The following SEMA3D variants were observed in gnomAD, a reference collection of about 807,000 sequenced individuals.
SEMA3D encodes semaphorin-3D.
SEMA3D carries 84 observed loss-of-function variants against 100.1 expected under a neutral mutation model. That is an observed-to-expected ratio of 0.84 (90% confidence interval 0.70 to 1.01). The LOEUF is 1.01. SEMA3D is among the 50% of genes least tolerant of loss of function. The probability of loss-of-function intolerance (pLI) is 0.00; values close to 1 mark genes in which losing one functional copy is unlikely to be tolerated. For missense variants in SEMA3D, 875 were observed against 934.1 expected (o/e 0.94, Z 0.82); for synonymous variants, 312 against 320.7 (o/e 0.97, Z 0.29).
intron 6 of SEMA3D, among the ~76,000 whole-genome samples, chr7:85,072,345 A>G (rs113531483): frequency 1.3e-5 from 2 of 152,194 alleles, no homozygotes; most frequent in African/African-American, 4.8e-5. Flanking sequence ...TAAGAAAATT[A>G]TTAAAATATT....
intron 1 of SEMA3D, among the ~76,000 whole-genome samples, chr7:85,171,632 G>T (rs1791085364): frequency 6.6e-6 from 1 of 151,518 alleles, no homozygotes; most frequent in African/African-American, 2.4e-5. Context: ...AACACCTAAA[G>T]GTAATAATTT....
chr7:85,175,141 G>T (rs1331193612), intron 1 of SEMA3D, among the ~76,000 whole-genome samples: 1 of 152,162 alleles, frequency 6.6e-6, no homozygotes, highest in Non-Finnish European at 1.5e-5. Context: ...AGGCCTGAAT[G>T]CGATTGTGAT....
intron 2 of SEMA3D, among the ~76,000 whole-genome samples, chr7:85,124,588 G>T (rs1458921880): frequency 1.3e-5 from 2 of 152,030 alleles, no homozygotes; most frequent in African/African-American, 4.8e-5. Flanking sequence ...ACTCAAAGGA[G>T]TATCATATAG....
intron 2 of SEMA3D, among the ~76,000 whole-genome samples, chr7:85,139,187 T>A (rs1789970524): frequency 1.3e-5 from 2 of 152,000 alleles, no homozygotes; most frequent in South Asian, 4.1e-4. Context: ...TGGTAAAATC[T>A]ACTTGTGGAG....
At chr7:85,089,655 T>C (rs1290575765) in intron 4 of SEMA3D, among the ~76,000 whole-genome samples, 1 of 151,952 alleles carries the variant, frequency 6.6e-6, no homozygotes, top group African/African-American at 2.4e-5. Flanking sequence ...ACAAGTGAGG[T>C]GGGCAGATTT....
chr7:85,219,603 G>A, the SEMA3D span, among the ~76,000 whole-genome samples: 1 of 152,000 alleles, frequency 6.6e-6, no homozygotes, highest in East Asian at 1.9e-4. Flanking sequence ...TCTAACAGAA[G>A]GATACAGAGT....
intron 17 of SEMA3D, among the ~76,000 whole-genome samples, chr7:85,012,264 G>A (rs529077275): frequency 6.6e-6 from 1 of 151,786 alleles, no homozygotes; most frequent in East Asian, 2.0e-4. Context: ...GAGTTTCTTA[G>A]TCACATAGTA....
At chr7:85,090,639 G>A (rs2116279177) in intron 4 of SEMA3D, among the ~76,000 whole-genome samples, 1 of 152,214 alleles carries the variant, frequency 6.6e-6, no homozygotes, top group East Asian at 1.9e-4. Flanking sequence ...AGACTTCTTA[G>A]AAGCTAAAGC....
In SEMA3D at chr7:85,020,223, T is replaced by TG. The variant is rs780410439; in HGVS notation, c.1503+9dup. 14 of 1,585,908 alleles carry TG rather than the reference T, an allele frequency of 8.8e-6. No individual in the cohort carries two copies. In the Admixed American group the frequency reaches 2.3e-4, roughly 27 times the overall value. ...CATCTTTTCTCCTGGCACTCTGGAC[T>TG]GAGTCTTACCTTGAATATCTGCAAC... On this transcript the variant is annotated intron_variant, in intron 14 of 18. Coordinates refer to ENST00000284136, the MANE Select transcript of SEMA3D (RefSeq NM_001384900.1).
chr7:85,223,450 T>C, the SEMA3D span, among the ~76,000 whole-genome samples: 4 of 152,010 alleles, frequency 2.6e-5, no homozygotes, highest in African/African-American at 9.7e-5. Flanking sequence ...CCAGGACAAT[T>C]TGCTATTGCA....
chr7:85,115,221 G>C (rs1030987980), intron 3 of SEMA3D, among the ~76,000 whole-genome samples: 4 of 152,128 alleles, frequency 2.6e-5, no homozygotes, highest in African/African-American at 9.7e-5. Context: ...AGCATCCTAG[G>C]CTGTAAGTAG....
chr7:85,228,555 A>C, the SEMA3D span, among the ~76,000 whole-genome samples: 1 of 152,114 alleles, frequency 6.6e-6, no homozygotes, highest in Non-Finnish European at 1.5e-5. Flanking sequence ...GTTGCCCTCC[A>C]GGCCATAGAG....
At chr7:85,103,763 T>C (rs951613063) in intron 3 of SEMA3D, among the ~76,000 whole-genome samples, 5 of 152,090 alleles carry the variant, frequency 3.3e-5, no homozygotes, top group Non-Finnish European at 5.9e-5. Context: ...TACAATCTCA[T>C]TATTTCCAAA....
At chr7:85,029,155 A>G in intron 12 of SEMA3D, 1 of 643,396 alleles carries the variant, frequency 1.6e-6, no homozygotes, top group South Asian at 1.6e-5. Context: ...AAGGATAAAA[A>G]CCTACTTCGC....
At position 85,057,960 on chromosome 7, in the gene SEMA3D, C is replaced by G. The variant is rs1370478528; in HGVS notation, c.719-2101G>C. The stretch of plus-strand genomic sequence containing the variant: ...AGAAAATAAGTAAATAAAAAGTTAA[C>G]GTTGGATTCCGAGTGATGGGTATTC... On this transcript the variant is annotated intron_variant, in intron 8 of 18. Transcript: ENST00000284136. 2.6e-5 allele frequency among the ~76,000 whole-genome samples: 4 copies of G among 152,188 alleles called. No homozygotes were observed. In the South Asian group the frequency reaches 8.3e-4, roughly 32 times the overall value.
chr7:85,166,277 A>C (rs1297771268), intron 1 of SEMA3D, among the ~76,000 whole-genome samples: 1 of 152,086 alleles, frequency 6.6e-6, no homozygotes, highest in Non-Finnish European at 1.5e-5. Flanking sequence ...ACAATGATAA[A>C]GGTTCTTAAA....
the SEMA3D span, among the ~76,000 whole-genome samples, chr7:85,194,158 G>C: frequency 6.6e-6 from 1 of 152,108 alleles, no homozygotes; most frequent in Non-Finnish European, 1.5e-5. Flanking sequence ...AACAAAGATA[G>C]TTTTATTTCT....
chr7:85,029,277 G>A (rs555361808), intron 12 of SEMA3D: 4 of 867,232 alleles, frequency 4.6e-6, no homozygotes, highest in East Asian at 4.8e-5. Flanking sequence ...CTGATGACAA[G>A]GGCCATTTGA....
intron 4 of SEMA3D, among the ~76,000 whole-genome samples, chr7:85,083,502 C>A (rs1219812515): frequency 6.6e-6 from 1 of 152,106 alleles, no homozygotes; most frequent in Non-Finnish European, 1.5e-5. Context: ...TCTGGTTGTT[C>A]CTTTGTTATT....
Sources: gnomAD v4.1 joint callset for allele counts (sites outside exome capture counted in the v4.1 genomes callset) on GRCh38, gnomAD v4.1.1 for gene constraint, MANE v1.5 for transcripts, NCBI Gene and HGNC (gene_info 2026-07-23, HGNC 2026-07-21) for gene names.